MOB3B: variants seen among roughly 807,000 people sequenced by gnomAD.
MOB3B encodes MOB kinase activator 3B, also known as MOB kinase activator-like 2B.
In MOB3B, 7 loss-of-function variants were observed where a neutral mutation model predicts 18.7. That is an observed-to-expected ratio of 0.37 (90% CI 0.21 to 0.70). The LOEUF (loss-of-function observed/expected upper bound fraction) is 0.70. MOB3B is among the 30% of genes least tolerant of loss of function. The pLI, the probability that MOB3B is intolerant of heterozygous loss-of-function variation, is 0.52. For synonymous variants in MOB3B, 111 were observed against 99.9 expected (o/e 1.11, Z -0.66); for missense variants, 253 against 281.3 (o/e 0.90, Z 0.72).
chr9:27,393,604 G>A (rs902673490), intron 2 of MOB3B, among the ~76,000 whole-genome samples: 1 of 152,182 alleles, frequency 6.6e-6, no homozygotes, highest in Non-Finnish European at 1.5e-5. Flanking sequence ...TTCACACATG[G>A]CTCTGCAAGG....
At chr9:27,501,308 T>C (rs993115096) in intron 1 of MOB3B, among the ~76,000 whole-genome samples, 4 of 152,200 alleles carry the variant, frequency 2.6e-5, no homozygotes, top group African/African-American at 9.7e-5. Context: ...ACACGTATGT[T>C]TATTGCGGCA....
intron 3 of MOB3B, among the ~76,000 whole-genome samples, chr9:27,339,844 C>T (rs181276784): frequency 4.6e-4 from 70 of 152,352 alleles, no homozygotes; most frequent in African/African-American, 1.5e-3. Context: ...AGTAGGGACT[C>T]GGCTGGCAGG....
intron 3 of MOB3B, among the ~76,000 whole-genome samples, chr9:27,356,493 T>G (rs1396593747): frequency 6.6e-6 from 1 of 152,214 alleles, no homozygotes; most frequent in Admixed American, 6.5e-5. Context: ...CTGAGTTTTC[T>G]GATAGCAAAG....
intron 3 of MOB3B, among the ~76,000 whole-genome samples, chr9:27,357,148 G>GTATATATATATA (rs1554645173): frequency 1.4e-5 from 1 of 69,208 alleles, no homozygotes; most frequent in Non-Finnish European, 2.9e-5. Context: ...ATATATATGT[G>GTATATATATATA]TTTTTTTTTT....
At chr9:27,518,949 T>C (rs550306921) in intron 1 of MOB3B, among the ~76,000 whole-genome samples, 1 of 152,276 alleles carries the variant, frequency 6.6e-6, no homozygotes, top group East Asian at 1.9e-4. Flanking sequence ...GGAAGACATA[T>C]GAATCAACCA....
intron 1 of MOB3B, among the ~76,000 whole-genome samples, chr9:27,503,999 T>C (rs1178000901): frequency 1.3e-5 from 2 of 152,238 alleles, no homozygotes; most frequent in Non-Finnish European, 2.9e-5. Flanking sequence ...CTGCCAGTCC[T>C]TGTGGCCATA....
intron 1 of MOB3B, among the ~76,000 whole-genome samples, chr9:27,527,045 T>TC (rs58578911): frequency 2.0e-5 from 3 of 152,012 alleles, no homozygotes; most frequent in African/African-American, 4.8e-5. Context: ...TTATGATATC[T>TC]CCCCCTTTTA....
rs1160258377 is a variant in MOB3B at position 27,325,861 on chromosome 9, T to C, written c.*4726A>G. 2.6e-5 allele frequency: 4 copies of C among 152,000 alleles called. No individual in the cohort carries two copies. The highest frequency in any genetic ancestry group is 2.1e-4 in the South Asian group (1 of 4,824). The allele number at this position is 152,000 out of a possible 1,614,324, so 9.4% of individuals were successfully genotyped here. A position where few individuals can be genotyped will look rare whatever the true frequency, so the allele number is the denominator to read the frequency against. Reference sequence around the variant, plus strand: ...GAAGGGACATAAGGTTTAGAGAACATAGGAAGCAATTTGCTTCCATCAATA... The same window carrying C: ...GAAGGGACATAAGGTTTAGAGAACACAGGAAGCAATTTGCTTCCATCAATA... On this transcript the variant is annotated 3_prime_UTR_variant, in exon 4 of 4. Transcript: ENST00000262244.
At chr9:27,411,440 G>A (rs1013553777) in intron 2 of MOB3B, among the ~76,000 whole-genome samples, 1 of 152,224 alleles carries the variant, frequency 6.6e-6, no homozygotes, top group African/African-American at 2.4e-5. Flanking sequence ...AGGCCAGAGT[G>A]AGGCCATAGA....
At chr9:27,442,132 C>T (rs570348653) in intron 2 of MOB3B, among the ~76,000 whole-genome samples, 14 of 152,096 alleles carry the variant, frequency 9.2e-5, no homozygotes, top group Non-Finnish European at 1.3e-4. Context: ...GGGCTTATTA[C>T]TTTCTCAATT....
chr9:27,483,052 T>C (rs897920374), intron 1 of MOB3B, among the ~76,000 whole-genome samples: 4 of 150,432 alleles, frequency 2.7e-5, no homozygotes, highest in African/African-American at 7.5e-5. Context: ...AAAGAGATAA[T>C]TGTTTCCAAA....
chr9:27,425,872 CCACAAA>C, intron 2 of MOB3B, among the ~76,000 whole-genome samples: 1 of 152,080 alleles, frequency 6.6e-6, no homozygotes, highest in Non-Finnish European at 1.5e-5. Flanking sequence ...ATCAATCAAA[CCACAAA>C]GGGCCTGAAA....
intron 2 of MOB3B, among the ~76,000 whole-genome samples, chr9:27,416,239 C>A (rs1421985983): frequency 6.6e-6 from 1 of 151,724 alleles, no homozygotes; most frequent in Non-Finnish European, 1.5e-5. Context: ...GACCTCATAC[C>A]TTAAGTATAG....
intron 1 of MOB3B, among the ~76,000 whole-genome samples, chr9:27,459,958 C>T (rs1438893160): frequency 6.6e-6 from 1 of 151,678 alleles, no homozygotes; most frequent in Non-Finnish European, 1.5e-5. Context: ...TGAACTGCAC[C>T]CATGACAATT....
intron 1 of MOB3B, among the ~76,000 whole-genome samples, chr9:27,472,301 A>G (rs1172160508): frequency 1.3e-5 from 2 of 151,868 alleles, no homozygotes; most frequent in Non-Finnish European, 2.9e-5. Context: ...AAAAGGCTTT[A>G]AAAGTCTCCA....
chr9:27,458,572 G>T (rs1408046091), intron 1 of MOB3B, among the ~76,000 whole-genome samples: 1 of 127,996 alleles, frequency 7.8e-6, no homozygotes, highest in African/African-American at 2.9e-5. Flanking sequence ...GGTCGAGGCT[G>T]CAGTGAGCCA....
chr9:27,474,807 A>G (rs1429645708), intron 1 of MOB3B, among the ~76,000 whole-genome samples: 1 of 152,230 alleles, frequency 6.6e-6, no homozygotes, highest in Non-Finnish European at 1.5e-5. Context: ...TATATATGAA[A>G]TGTTAAAACA....
intron 1 of MOB3B, among the ~76,000 whole-genome samples, chr9:27,473,112 G>GA (rs1819498511): frequency 6.6e-6 from 1 of 152,110 alleles, no homozygotes; most frequent in Non-Finnish European, 1.5e-5. Context: ...ATGGCTTCTA[G>GA]AAAAAGACAA....
At chr9:27,412,484 G>A (rs1318285472) in intron 2 of MOB3B, among the ~76,000 whole-genome samples, 2 of 152,148 alleles carry the variant, frequency 1.3e-5, no homozygotes, top group Non-Finnish European at 2.9e-5. Context: ...GAAATGCTCA[G>A]TACCAGGAGT....
Sources: gnomAD v4.1 joint callset for allele counts (sites outside exome capture counted in the v4.1 genomes callset) on GRCh38, gnomAD v4.1.1 for gene constraint, MANE v1.5 for transcripts, NCBI Gene and HGNC (gene_info 2026-07-23, HGNC 2026-07-21) for gene names.